The following TBC1D1 variants were observed in gnomAD, a reference collection of about 807,000 sequenced individuals.
TBC1D1 encodes TBC1 domain family member 1.
TBC1D1 carries 89 observed loss-of-function variants against 125.6 expected under a neutral mutation model. The ratio of observed to expected loss-of-function variants is 0.71; its 90% CI spans 0.60 to 0.85. The LOEUF is 0.85. TBC1D1 is among the 40% of genes least tolerant of loss of function. TBC1D1 has a pLI of 0.00. For synonymous variants in TBC1D1, 565 were observed against 564.1 expected (o/e 1.00, Z -0.02); for missense variants, 1,377 against 1,469.2 (o/e 0.94, Z 1.03).
chr4:38,054,077 T>C lies in TBC1D1; in HGVS notation c.1911-122T>C. On this transcript the variant is annotated intron_variant, in intron 11 of 19. Transcript: ENST00000261439. ...TGTGAGCTTGATATAACTTCTGTGA[T>C]TGATTATTTGTTTATACAAAGATAG... 3.7e-6 allele frequency: 4 copies of C among 1,068,640 alleles called. No homozygotes were observed. In the East Asian group the frequency reaches 7.2e-5, roughly 19 times the overall value. 66.2% of individuals were successfully genotyped at this position (1,068,640 alleles called of 1,614,324 possible).
intron 2 of TBC1D1, among the ~76,000 whole-genome samples, chr4:37,964,776 G>T (rs577408361): frequency 6.6e-6 from 1 of 152,140 alleles, no homozygotes; most frequent in African/African-American, 2.4e-5. Context: ...TACCTCATTC[G>T]TTCATTTGTT....
At chr4:38,069,299 T>C (rs1473561770) in intron 12 of TBC1D1, among the ~76,000 whole-genome samples, 6 of 152,200 alleles carry the variant, frequency 3.9e-5, no homozygotes, top group Admixed American at 3.3e-4. Flanking sequence ...CTCGCCTGTT[T>C]AATCAGGTTT....
chr4:37,933,691 A>G (rs1426748778), intron 2 of TBC1D1, among the ~76,000 whole-genome samples: 1 of 152,232 alleles, frequency 6.6e-6, no homozygotes, highest in Non-Finnish European at 1.5e-5. Flanking sequence ...AACAACATAT[A>G]CAAAATGTTT....
chr4:37,941,766 T>G (rs1391491316), intron 2 of TBC1D1, among the ~76,000 whole-genome samples: 1 of 152,260 alleles, frequency 6.6e-6, no homozygotes, highest in Non-Finnish European at 1.5e-5. Context: ...TATTTCTGCC[T>G]TCATTTCGTT....
At chr4:38,120,563 A>T (rs1763682652) in intron 17 of TBC1D1, among the ~76,000 whole-genome samples, 2 of 152,228 alleles carry the variant, frequency 1.3e-5, no homozygotes, top group South Asian at 2.1e-4. Flanking sequence ...TTGTTGACTA[A>T]GTAAAATATT....
rs73236876 is a variant in TBC1D1 at position 37,995,866 on chromosome 4, C to G, written c.418-18643C>G. The G allele has an allele frequency of 0.11, 64,024 of 577,164 alleles. 6,379 individuals carry two copies. Among genetic ancestry groups the G allele is most frequent in the East Asian group, 0.43 (8,663 of 20,154 alleles). 35.8% of individuals were successfully genotyped at this position (577,164 alleles called of 1,614,324 possible). A position where few individuals can be genotyped will look rare whatever the true frequency, so the allele number is the denominator to read the frequency against. ...CATGTGATCACCAGAATGCATTTCT[C>G]TTTGAGAATCCAGACTTCTGGCTTA... On this transcript the variant is annotated intron_variant, in intron 2 of 19. Transcript: ENST00000261439. This position sits in a 1 kb window ranked among gnomAD's most constrained non-coding sequence, Gnocchi z 4.3.
chr4:38,094,947 T>A (rs901047889), intron 13 of TBC1D1, among the ~76,000 whole-genome samples: 3 of 152,070 alleles, frequency 2.0e-5, no homozygotes, highest in African/African-American at 7.2e-5. Context: ...AACATTTTTC[T>A]TGGTTAAATA....
At chr4:37,933,642 C>A (rs1469135216) in intron 2 of TBC1D1, among the ~76,000 whole-genome samples, 1 of 152,138 alleles carries the variant, frequency 6.6e-6, no homozygotes, top group Non-Finnish European at 1.5e-5. Flanking sequence ...TGTCTGCCAT[C>A]TAATAAGCTT....
intron 2 of TBC1D1, among the ~76,000 whole-genome samples, chr4:37,921,849 C>T (rs942554242): frequency 6.6e-6 from 1 of 151,762 alleles, no homozygotes; most frequent in Non-Finnish European, 1.5e-5. Flanking sequence ...GATCTTCTTG[C>T]CTTAGCCTCC....
chr4:38,112,181 G>A (rs930828340), intron 15 of TBC1D1: 34 of 665,940 alleles, frequency 5.1e-5, no homozygotes, highest in Non-Finnish European at 6.1e-5. Context: ...ATTATTATTT[G>A]GAATTCAGCT....
intron 2 of TBC1D1, among the ~76,000 whole-genome samples, chr4:37,938,171 A>G (rs905691523): frequency 1.3e-5 from 2 of 152,168 alleles, no homozygotes; most frequent in African/African-American, 4.8e-5. Flanking sequence ...GCTTGAGATC[A>G]GGAGTTCAAA....
At chr4:37,992,895 C>A (rs1471070982) in intron 2 of TBC1D1, among the ~76,000 whole-genome samples, 1 of 151,342 alleles carries the variant, frequency 6.6e-6, no homozygotes, top group Non-Finnish European at 1.5e-5. Flanking sequence ...ACCTCCGCCT[C>A]CTGGGTTCAA....
chr4:37,916,533 C>T (rs1719776248), intron 2 of TBC1D1, among the ~76,000 whole-genome samples: 1 of 152,030 alleles, frequency 6.6e-6, no homozygotes, highest in African/African-American at 2.4e-5. Flanking sequence ...TTTCATAAAC[C>T]ATCTTGGTTG....
At chr4:38,127,581 G>A (rs1578849109) in intron 18 of TBC1D1, among the ~76,000 whole-genome samples, 1 of 151,902 alleles carries the variant, frequency 6.6e-6, no homozygotes, top group African/African-American at 2.4e-5. Flanking sequence ...GTGGGGTTTC[G>A]CCATGTTGGC....
chr4:38,124,898 AATG>A, intron 17 of TBC1D1, 61 bp from the exon 20 acceptor site: 1 of 1,431,538 alleles, frequency 7.0e-7, no homozygotes, highest in South Asian at 1.2e-5. Context: ...TGGAAAAGGC[AATG>A]GAATGGTATT....
intron 2 of TBC1D1, among the ~76,000 whole-genome samples, chr4:37,907,976 G>C (rs1216153849): frequency 6.6e-6 from 1 of 152,146 alleles, no homozygotes; most frequent in African/African-American, 2.4e-5. Flanking sequence ...TTCCTTTAAA[G>C]GGACTTTCCA....
intron 8 of TBC1D1, among the ~76,000 whole-genome samples, chr4:38,043,396 G>C (rs1443231395): frequency 6.6e-6 from 1 of 151,556 alleles, no homozygotes; most frequent in Non-Finnish European, 1.5e-5. Context: ...TCAGGAGTTT[G>C]AGATCAGCCT....
intron 2 of TBC1D1, among the ~76,000 whole-genome samples, chr4:37,927,563 A>C (rs1264472745): frequency 1.3e-5 from 2 of 152,206 alleles, no homozygotes; most frequent in African/African-American, 4.8e-5. Context: ...GTTTTTATAA[A>C]AGCCAAAACA....
chr4:37,947,271 C>G (rs1442643656), intron 2 of TBC1D1, among the ~76,000 whole-genome samples: 1 of 152,198 alleles, frequency 6.6e-6, no homozygotes. Flanking sequence ...ATTCTCCTGC[C>G]TCAGCCTCCT....
Sources: allele counts gnomAD v4.1 joint callset (sites outside exome capture counted in the v4.1 genomes callset), GRCh38; gene constraint gnomAD v4.1.1; non-coding constraint Gnocchi (gnomAD v3.1); transcripts MANE v1.5; gene names NCBI Gene and HGNC (gene_info 2026-07-23, HGNC 2026-07-21).